VPS13B: variants seen among roughly 807,000 people sequenced by gnomAD.
VPS13B encodes the protein vacuolar protein sorting 13 homolog B.
A neutral mutation model predicts 426.4 loss-of-function variants in VPS13B; 285 were observed. The observed-to-expected ratio is 0.67, with a 90% confidence interval of 0.61 to 0.74. The LOEUF is 0.74. Among genes scored for constraint, VPS13B ranks in the 30% least tolerant of loss-of-function variants. The pLI is 0.00. For missense variants in VPS13B, 4,537 were observed against 4,782.6 expected (o/e 0.95, Z 1.51); for synonymous variants, 1,676 against 1,676.4 (o/e 1.00, Z 0.01).
chr8:99,853,722 G>A lies in VPS13B; in HGVS notation c.10333G>A (p.Val3445Ile). 6.2e-7 allele frequency: 1 copy of A among 1,614,216 alleles called. No homozygotes were observed. The highest frequency in any genetic ancestry group is 8.5e-7 in the Non-Finnish European group (1 of 1,180,042). ...GTCCAATTTCCACTTTGCTGTCTTAGTCTGCCAGGGAGAAAAAGCAGAACC... is the reference window on the plus strand; with the variant it reads ...GTCCAATTTCCACTTTGCTGTCTTAATCTGCCAGGGAGAAAAAGCAGAACC... Reference protein sequence around the residue: ...NKSNFHFAVLVCQGEKAEPIQ... With the variant: ...NKSNFHFAVLICQGEKAEPIQ... The change falls in exon 56 of 62, where the codon GTC becomes ATC. Residue 3445 changes from valine (V) to isoleucine (I), a missense_variant. By Grantham distance (29) the Val-to-Ile change is conservative (BLOSUM62 3). This residue lies in a region of VPS13B where 4,311 missense variants were observed against 4,474.3 expected (regional missense o/e 0.96). Coordinates refer to ENST00000357162, the MANE Select transcript of VPS13B (RefSeq NM_152564.5).
At chr8:99,845,958 T>C (rs1280299365) in intron 54 of VPS13B, among the ~76,000 whole-genome samples, 1 of 152,210 alleles carries the variant, frequency 6.6e-6, no homozygotes, top group Admixed American at 6.5e-5. Context: ...GGAATACATG[T>C]CAATTCTGCC....
intron 16 of VPS13B, among the ~76,000 whole-genome samples, chr8:99,176,662 T>C (rs1419493745): frequency 6.6e-6 from 1 of 152,242 alleles, no homozygotes; most frequent in Non-Finnish European, 1.5e-5. Context: ...AAACCATTGC[T>C]TCAGTTTTGC....
chr8:99,029,781 AAGAGGG>A (rs1397503052), intron 2 of VPS13B, among the ~76,000 whole-genome samples: 104 of 140,264 alleles, frequency 7.4e-4, no homozygotes, highest in Middle Eastern at 7.2e-3. Context: ...AGACCGTGGA[AAGAGGG>A]AGAGGGAGAG....
At chr8:99,621,126 A>G (rs1828332374) in intron 33 of VPS13B, among the ~76,000 whole-genome samples, 1 of 152,108 alleles carries the variant, frequency 6.6e-6, no homozygotes, top group East Asian at 1.9e-4. Flanking sequence ...ATTATTTCCC[A>G]CAGAATTTTG....
At chr8:99,585,863 T>C (rs1826276708) in intron 33 of VPS13B, among the ~76,000 whole-genome samples, 1 of 152,202 alleles carries the variant, frequency 6.6e-6, no homozygotes, top group South Asian at 2.1e-4. Flanking sequence ...TTCCAATCCC[T>C]TACTATGTTT....
intron 21 of VPS13B, among the ~76,000 whole-genome samples, chr8:99,406,474 A>G (rs1815339139): frequency 6.6e-6 from 1 of 152,186 alleles, no homozygotes; most frequent in African/African-American, 2.4e-5. Context: ...ATAACTTTTC[A>G]TATCTGTTCT....
chr8:99,618,274 G>A (rs1294098154), intron 33 of VPS13B, among the ~76,000 whole-genome samples: 17 of 131,388 alleles, frequency 1.3e-4, no homozygotes, highest in Non-Finnish European at 1.1e-4. Flanking sequence ...TTCTTCATGT[G>A]TATATTTCAA....
At chr8:99,874,519 C>T (rs1057427151) in intron 61 of VPS13B, among the ~76,000 whole-genome samples, 1 of 152,158 alleles carries the variant, frequency 6.6e-6, no homozygotes, top group African/African-American at 2.4e-5. Flanking sequence ...TCTTTCTTTA[C>T]CACTTCTTCC....
At chr8:99,181,320 A>G (rs1213634207) in intron 16 of VPS13B, among the ~76,000 whole-genome samples, 1 of 152,180 alleles carries the variant, frequency 6.6e-6, no homozygotes, top group Non-Finnish European at 1.5e-5. Context: ...TGAACAAAAA[A>G]TATGCTTGCA....
intron 13 of VPS13B, among the ~76,000 whole-genome samples, chr8:99,147,145 T>A (rs1286265317): frequency 6.6e-6 from 1 of 152,166 alleles, no homozygotes; most frequent in Non-Finnish European, 1.5e-5. Flanking sequence ...GTAGTCTCGC[T>A]TTGTTGCCCA....
intron 34 of VPS13B, among the ~76,000 whole-genome samples, chr8:99,658,885 G>A (rs769594721): frequency 6.6e-6 from 1 of 151,962 alleles, no homozygotes; most frequent in South Asian, 2.1e-4. Context: ...GCACAATCAC[G>A]GCTCACTGCA....
chr8:99,249,089 G>A (rs1001439345), intron 17 of VPS13B, among the ~76,000 whole-genome samples: 2 of 151,770 alleles, frequency 1.3e-5, no homozygotes, highest in African/African-American at 4.8e-5. Flanking sequence ...ATCTACTTTT[G>A]TCTCTGTGGA....
At chr8:99,278,836 C>T (rs776019497) in intron 19 of VPS13B, among the ~76,000 whole-genome samples, 4 of 152,216 alleles carry the variant, frequency 2.6e-5, no homozygotes, top group Non-Finnish European at 5.9e-5. Flanking sequence ...TTCCCACTTC[C>T]TTCCTTGATT....
intron 59 of VPS13B, among the ~76,000 whole-genome samples, chr8:99,869,032 C>A (rs954850184): frequency 6.6e-6 from 1 of 152,224 alleles, no homozygotes; most frequent in Non-Finnish European, 1.5e-5. Context: ...TGGGGCGTGC[C>A]GGGGCCTCTC....
chr8:99,714,129 ACT>A (rs1314841877), intron 36 of VPS13B, among the ~76,000 whole-genome samples: 1 of 137,824 alleles, frequency 7.3e-6, no homozygotes, highest in Non-Finnish European at 1.5e-5. Flanking sequence ...ACAGAGTGAG[ACT>A]CTGTCTCAAA....
intron 19 of VPS13B, among the ~76,000 whole-genome samples, chr8:99,282,790 A>C (rs1197571639): frequency 6.6e-6 from 1 of 152,212 alleles, no homozygotes; most frequent in African/African-American, 2.4e-5. Context: ...ATGCCAATGT[A>C]AACCAGTCTT....
At chr8:99,697,162 C>T in intron 35 of VPS13B, 1 of 542,258 alleles carries the variant, frequency 1.8e-6, no homozygotes, top group Non-Finnish European at 3.4e-6. Context: ...GAGATTGTGG[C>T]AAAGGAAGAG....
At chr8:99,846,071 T>C (rs1230339719) in intron 54 of VPS13B, among the ~76,000 whole-genome samples, 1 of 152,230 alleles carries the variant, frequency 6.6e-6, no homozygotes, top group Non-Finnish European at 1.5e-5. Flanking sequence ...GAGCTAGACA[T>C]GTGTGGACAC....
At chr8:99,333,130 T>G (rs1005670075) in intron 19 of VPS13B, among the ~76,000 whole-genome samples, 1 of 151,658 alleles carries the variant, frequency 6.6e-6, no homozygotes, top group Non-Finnish European at 1.5e-5. Flanking sequence ...TTTGTAGAGT[T>G]TATATATTTT....
Sources: gnomAD v4.1 joint callset for allele counts (sites outside exome capture counted in the v4.1 genomes callset) on GRCh38, gnomAD v4.1.1 for gene constraint, gnomAD v4.1.1 regional missense constraint, MANE v1.5 for transcripts, NCBI Gene and HGNC (gene_info 2026-07-23, HGNC 2026-07-21) for gene names.